CADM2: variants seen among roughly 807,000 people sequenced by gnomAD.
The protein encoded by CADM2 is immunoglobulin superfamily member 4D.
In CADM2, 12 loss-of-function variants were observed where a neutral mutation model predicts 49.8. That is an observed-to-expected ratio of 0.24 (90% confidence interval 0.15 to 0.39). The LOEUF (loss-of-function observed/expected upper bound fraction) is 0.39. Ranked by LOEUF, CADM2 falls within the 10% of genes least tolerant of loss-of-function variation. The probability of loss-of-function intolerance (pLI) is 1.00; values close to 1 mark genes in which losing one functional copy is unlikely to be tolerated. For synonymous variants in CADM2, 214 were observed against 175.4 expected (o/e 1.22, Z -1.74); for missense variants, 378 against 492.3 (o/e 0.77, Z 2.20).
intron 1 of CADM2, among the ~76,000 whole-genome samples, chr3:85,450,533 A>G (rs2037705505): frequency 6.6e-6 from 1 of 152,072 alleles, no homozygotes; most frequent in South Asian, 2.1e-4. Context: ...TAAATGCAAT[A>G]AAAAGTACAA....
At chr3:85,021,123 A>G (rs2034486922) in intron 1 of CADM2, among the ~76,000 whole-genome samples, 1 of 151,140 alleles carries the variant, frequency 6.6e-6, no homozygotes, top group Non-Finnish European at 1.5e-5. Flanking sequence ...TCTCAAAAAA[A>G]AAAAAAAAAA....
At chr3:86,013,997 A>C in intron 8 of CADM2, 10 of 1,444,430 alleles carry the variant, frequency 6.9e-6, no homozygotes, top group Non-Finnish European at 9.4e-6. Context: ...CAATTGAAGA[A>C]GTTTGTTCTT....
intron 8 of CADM2, among the ~76,000 whole-genome samples, chr3:85,995,784 G>C (rs1729317790): frequency 6.6e-6 from 1 of 152,038 alleles, no homozygotes; most frequent in African/African-American, 2.4e-5. Context: ...ATGGAAGAAA[G>C]GAAGACTTTA....
chr3:85,126,978 T>C (rs1038187693), intron 1 of CADM2, among the ~76,000 whole-genome samples: 1 of 152,172 alleles, frequency 6.6e-6, no homozygotes, highest in Admixed American at 6.5e-5. Context: ...ATTTGGATAG[T>C]AAGTATCTGT....
intron 1 of CADM2, among the ~76,000 whole-genome samples, chr3:85,429,550 G>T (rs2036572832): frequency 6.6e-6 from 1 of 151,848 alleles, no homozygotes; most frequent in Non-Finnish European, 1.5e-5. Context: ...AAAATGAAAT[G>T]GTTGGTTATA....
intron 1 of CADM2, among the ~76,000 whole-genome samples, chr3:85,116,701 G>T (rs1367260224): frequency 6.6e-6 from 1 of 151,800 alleles, no homozygotes; most frequent in South Asian, 2.1e-4. Context: ...CTTATCAGCC[G>T]TTTAATGTGA....
chr3:86,001,466 G>A (rs1160947041), intron 8 of CADM2, among the ~76,000 whole-genome samples: 1 of 152,006 alleles, frequency 6.6e-6, no homozygotes, highest in African/African-American at 2.4e-5. Flanking sequence ...GTTCCCAGTA[G>A]TCCATATTTT....
At chr3:85,998,593 A>C (rs546285460) in intron 8 of CADM2, among the ~76,000 whole-genome samples, 1 of 152,274 alleles carries the variant, frequency 6.6e-6, no homozygotes, top group Non-Finnish European at 1.5e-5. Flanking sequence ...GTATTATTCT[A>C]TAGATAGAAA....
intron 3 of CADM2, among the ~76,000 whole-genome samples, chr3:85,844,013 C>A (rs116839143): frequency 1.3e-5 from 2 of 151,996 alleles, no homozygotes; most frequent in East Asian, 3.9e-4. Flanking sequence ...CTTTACGGAT[C>A]GGTCCCAGCA....
chr3:85,953,373 C>T (rs1242711293), intron 7 of CADM2, among the ~76,000 whole-genome samples: 1 of 150,810 alleles, frequency 6.6e-6, no homozygotes, highest in East Asian at 2.0e-4. Context: ...CTTGGTAACC[C>T]TATTCTCACT....
intron 1 of CADM2, among the ~76,000 whole-genome samples, chr3:85,219,214 T>G (rs987199266): frequency 7.2e-5 from 11 of 152,232 alleles, no homozygotes; most frequent in Non-Finnish European, 1.5e-4. Context: ...TTACATGAAG[T>G]ACAAACATTG....
At chr3:85,939,468 A>AACACACACACACACACACACACAC (rs373804679) in intron 7 of CADM2, among the ~76,000 whole-genome samples, 10 of 137,080 alleles carry the variant, frequency 7.3e-5, no homozygotes, top group South Asian at 2.5e-4. Flanking sequence ...AGTAAACGAA[A>AACACACACACACACACACACACAC]ACACACACAC....
chr3:85,359,666 A>ATATATATATTT, intron 1 of CADM2, among the ~76,000 whole-genome samples: 16 of 26,552 alleles, frequency 6.0e-4, no homozygotes, highest in South Asian at 1.4e-3. Flanking sequence ...ATATATATAT[A>ATATATATATTT]TTTTTTTTTT....
chr3:86,022,127 A>G (rs1331096922), intron 8 of CADM2, among the ~76,000 whole-genome samples: 2 of 152,132 alleles, frequency 1.3e-5, no homozygotes, highest in African/African-American at 2.4e-5. Flanking sequence ...TTTTTATGAA[A>G]ATATATTGGA....
rs116145746 is a variant in CADM2, at chr3:85,431,349, C to T, written c.62-295173C>T. On this transcript the variant is annotated intron_variant, in intron 1 of 9. Coordinates refer to ENST00000383699, the MANE Select transcript of CADM2 (RefSeq NM_001167675.2). Reference sequence around the variant, plus strand: ...GTAATTTAAAGGAATTTGAACTGTGCCTAATAAATACGAGCTAAATTAATA... The same window carrying T: ...GTAATTTAAAGGAATTTGAACTGTGTCTAATAAATACGAGCTAAATTAATA... 8.5e-3 allele frequency among the ~76,000 whole-genome samples: 1,299 copies of T among 152,108 alleles called. 6 individuals carry two copies. The highest frequency in any genetic ancestry group is 0.014 in the Non-Finnish European group (967 of 67,998).
chr3:84,959,352 G>A lies in CADM2; in HGVS notation c.-256G>A. On this transcript the variant is annotated 5_prime_UTR_variant, in exon 1 of 10. Coordinates refer to ENST00000383699, the MANE Select transcript of CADM2 (RefSeq NM_001167675.2). ...CTCCAAACCCCTGCCTGGAAGACGGGCTGTCGCGGCTGCACCACCAGCAGG... is the reference window on the plus strand; with the variant it reads ...CTCCAAACCCCTGCCTGGAAGACGGACTGTCGCGGCTGCACCACCAGCAGG... The A allele has an allele frequency of 3.6e-6, 2 of 562,822 alleles. No homozygotes were observed. Among genetic ancestry groups the A allele is most frequent in the East Asian group, 3.1e-5 (1 of 32,100 alleles). The allele number at this position is 562,822 out of a possible 1,614,324, so 34.9% of individuals were successfully genotyped here.
intron 1 of CADM2, among the ~76,000 whole-genome samples, chr3:85,705,925 G>T (rs1344155818): frequency 1.3e-5 from 2 of 152,040 alleles, no homozygotes; most frequent in African/African-American, 2.4e-5. Flanking sequence ...CATATAACTT[G>T]CTCATTGTGG....
intron 3 of CADM2, among the ~76,000 whole-genome samples, chr3:85,880,971 C>T (rs1712670861): frequency 6.6e-6 from 1 of 152,072 alleles, no homozygotes; most frequent in Admixed American, 6.5e-5. Context: ...CTTTGAATAC[C>T]CTTTTAGTCC....
At chr3:85,206,542 C>T (rs1029876044) in intron 1 of CADM2, among the ~76,000 whole-genome samples, 3 of 151,928 alleles carry the variant, frequency 2.0e-5, no homozygotes, top group Non-Finnish European at 4.4e-5. Context: ...CACCTGACCT[C>T]GTGATCCGCC....
Sources: gnomAD v4.1 joint callset for allele counts (sites outside exome capture counted in the v4.1 genomes callset) on GRCh38, gnomAD v4.1.1 for gene constraint, MANE v1.5 for transcripts, NCBI Gene and HGNC (gene_info 2026-07-23, HGNC 2026-07-21) for gene names.